Variants in GTF2B observed in about 807,000 individuals in gnomAD.
GTF2B encodes general transcription factor IIB.
Under a neutral mutation model 34.6 loss-of-function variants are expected in GTF2B, and 20 were observed. The observed-to-expected ratio is 0.58, with a 90% CI of 0.41 to 0.84. GTF2B has a LOEUF of 0.84. Among genes scored for constraint, GTF2B ranks in the 40% least tolerant of loss-of-function variants. The pLI, the probability that GTF2B is intolerant of heterozygous loss-of-function variation, is 0.00. For missense variants in GTF2B, 237 were observed against 393.3 expected (o/e 0.60, Z 3.36); for synonymous variants, 142 against 132.4 (o/e 1.07, Z -0.50).
chr1:88,889,473 T>C (rs1674150563), intron 1 of GTF2B, among the ~76,000 whole-genome samples: 1 of 152,262 alleles, frequency 6.6e-6, no homozygotes, highest in African/African-American at 2.4e-5. Flanking sequence ...CTATCATTTA[T>C]TGGGCATGGA....
chr1:88,859,613 A>C (rs375386807), intron 5 of GTF2B, among the ~76,000 whole-genome samples: 4 of 152,194 alleles, frequency 2.6e-5, no homozygotes, highest in Non-Finnish European at 5.9e-5. Context: ...AAGTGGGCAG[A>C]TCACCTGAGG....
At position 88,862,832 on chromosome 1, in the gene GTF2B, G is replaced by A. The variant is rs143150558; in HGVS notation, c.258+1149C>T. On this transcript the variant is annotated intron_variant, in intron 3 of 6. Transcript: ENST00000370500. The stretch of plus-strand genomic sequence containing the variant: ...TACTTTTTGTATTTTTAGTAGAGAC[G>A]GGGTTTCGCCATCTTGGCCAGGCTG... 2.7e-3 allele frequency among the ~76,000 whole-genome samples: 417 copies of A among 152,014 alleles called. 4 individuals are homozygous for A. The highest frequency in any genetic ancestry group is 9.5e-3 in the African/African-American group (395 of 41,472).
chr1:88,887,570 G>A, intron 1 of GTF2B: 2 of 480,528 alleles, frequency 4.2e-6, no homozygotes, highest in East Asian at 7.9e-5. Context: ...AGTTTCCACT[G>A]GAATTCTTAT....
intron 2 of GTF2B, among the ~76,000 whole-genome samples, chr1:88,879,565 CAG>C (rs1673887522): frequency 7.0e-6 from 1 of 142,028 alleles, no homozygotes. Context: ...GACTGGGCAA[CAG>C]AGTGAGATTC....
chr1:88,860,765 C>T (rs146832867), intron 3 of GTF2B, among the ~76,000 whole-genome samples: 2 of 152,268 alleles, frequency 1.3e-5, no homozygotes, highest in African/African-American at 4.8e-5. Context: ...TTGATAAAAA[C>T]TCATAGGACG....
chr1:88,871,869 T>G (rs914069270), intron 2 of GTF2B, among the ~76,000 whole-genome samples: 1 of 152,018 alleles, frequency 6.6e-6, no homozygotes, highest in Non-Finnish European at 1.5e-5. Flanking sequence ...GTAGCTGGGA[T>G]TACAGGCATC....
At chr1:88,867,570 T>C (rs1673590427) in intron 2 of GTF2B, among the ~76,000 whole-genome samples, 1 of 152,162 alleles carries the variant, frequency 6.6e-6, no homozygotes, top group African/African-American at 2.4e-5. Flanking sequence ...ACAAATGTCA[T>C]CAATAACTTG....
intron 2 of GTF2B, among the ~76,000 whole-genome samples, chr1:88,876,190 T>G (rs753572888): frequency 1.3e-5 from 2 of 152,224 alleles, no homozygotes; most frequent in African/African-American, 4.8e-5. Flanking sequence ...AAATGAAACC[T>G]GATTTTTTCC....
chr1:88,890,566 G>A (rs1412644515), intron 1 of GTF2B, among the ~76,000 whole-genome samples: 5 of 152,182 alleles, frequency 3.3e-5, no homozygotes, highest in Admixed American at 6.5e-5. Context: ...CCAAAGGCCA[G>A]GTGTGGATAA....
At chr1:88,868,449 T>C (rs1157892260) in intron 2 of GTF2B, among the ~76,000 whole-genome samples, 1 of 152,210 alleles carries the variant, frequency 6.6e-6, no homozygotes, top group Non-Finnish European at 1.5e-5. Context: ...TTTAACACTT[T>C]TAATCAAGTT....
At chr1:88,877,796 G>A (rs2100975796) in intron 2 of GTF2B, among the ~76,000 whole-genome samples, 1 of 152,310 alleles carries the variant, frequency 6.6e-6, no homozygotes, top group East Asian at 1.9e-4. Flanking sequence ...GTTGGGCATG[G>A]TGGTGGTCAC....
Position 88,891,511 on chromosome 1 carries a change from C to T in GTF2B, c.-12G>A. The T allele has an allele frequency of 6.2e-7, 1 of 1,602,084 alleles. No individual in the cohort carries two copies. Among genetic ancestry groups the T allele is most frequent in the Non-Finnish European group, 8.5e-7 (1 of 1,173,822 alleles). ...CTGGTAGACGCCATCTTCACGGCGA[C>T]TGCGGTGCCCGCAACAAGACACAAC... On this transcript the variant is annotated 5_prime_UTR_variant, in exon 1 of 7. Coordinates refer to ENST00000370500, the MANE Select transcript of GTF2B (RefSeq NM_001514.6).
intron 2 of GTF2B, among the ~76,000 whole-genome samples, chr1:88,874,232 G>T (rs978114867): frequency 6.6e-6 from 1 of 152,124 alleles, no homozygotes; most frequent in Non-Finnish European, 1.5e-5. Flanking sequence ...ACTGAGGAGG[G>T]TCTGATTTTC....
chr1:88,883,285 T>C (rs998125794), intron 2 of GTF2B, among the ~76,000 whole-genome samples: 5 of 152,290 alleles, frequency 3.3e-5, no homozygotes, highest in African/African-American at 9.6e-5. Context: ...TTCAGAAAAA[T>C]CTTACTCTTG....
At chr1:88,870,315 C>T (rs1167796377) in intron 2 of GTF2B, among the ~76,000 whole-genome samples, 4 of 152,314 alleles carry the variant, frequency 2.6e-5, no homozygotes, top group African/African-American at 9.6e-5. Context: ...AAAATTCAAA[C>T]TATGTTTTAT....
chr1:88,869,678 T>G (rs934252882), intron 2 of GTF2B, among the ~76,000 whole-genome samples: 14 of 152,052 alleles, frequency 9.2e-5, no homozygotes, highest in African/African-American at 3.4e-4. Context: ...CCCAGGCTAG[T>G]GTGCAGTGGC....
At chr1:88,882,076 G>A (rs1321287141) in intron 2 of GTF2B, among the ~76,000 whole-genome samples, 1 of 151,986 alleles carries the variant, frequency 6.6e-6, no homozygotes, top group African/African-American at 2.4e-5. Flanking sequence ...CTGGGAGGTC[G>A]AGGCAGGTGG....
chr1:88,888,204 C>T (rs1674120197), intron 1 of GTF2B, among the ~76,000 whole-genome samples: 1 of 152,158 alleles, frequency 6.6e-6, no homozygotes, highest in African/African-American at 2.4e-5. Context: ...ACATCAGATA[C>T]ACGTAAAAGA....
intron 3 of GTF2B, among the ~76,000 whole-genome samples, chr1:88,861,798 C>G (rs1320247401): frequency 1.3e-5 from 2 of 152,168 alleles, no homozygotes; most frequent in African/African-American, 4.8e-5. Context: ...CATCACTTCA[C>G]TCTAGACTGG....
Sources: allele counts gnomAD v4.1 joint callset (sites outside exome capture counted in the v4.1 genomes callset), GRCh38; gene constraint gnomAD v4.1.1; transcripts MANE v1.5; gene names NCBI Gene and HGNC (gene_info 2026-07-23, HGNC 2026-07-21).